BDP1: variants seen among roughly 807,000 people sequenced by gnomAD.
The protein encoded by BDP1 is transcription factor TFIIIB component B'' homolog.
Under a neutral mutation model 266.6 loss-of-function variants are expected in BDP1, and 169 were observed. That is an observed-to-expected ratio of 0.63 (90% confidence interval 0.56 to 0.72). The LOEUF is 0.72. Among genes scored for constraint, BDP1 ranks in the 30% least tolerant of loss-of-function variants. BDP1 has a pLI of 0.00. For missense variants in BDP1, 3,015 were observed against 3,053.8 expected (o/e 0.99, Z 0.30); for synonymous variants, 1,090 against 1,022.4 (o/e 1.07, Z -1.26).
At chr5:71,459,790 C>A (rs1010414182) in intron 2 of BDP1, among the ~76,000 whole-genome samples, 6 of 152,078 alleles carry the variant, frequency 3.9e-5, no homozygotes, top group Non-Finnish European at 8.8e-5. Context: ...GTAAAATAGA[C>A]CAATAATAGT....
At chr5:71,480,733 T>C (rs1247823478) in intron 7 of BDP1, among the ~76,000 whole-genome samples, 1 of 151,688 alleles carries the variant, frequency 6.6e-6, no homozygotes, top group Non-Finnish European at 1.5e-5. Context: ...CTGGCTAATT[T>C]TTGTATTTTT....
At chr5:71,502,890 CATTT>C (rs1269938246) in intron 15 of BDP1, 99 bp downstream of exon 15, 134 of 848,994 alleles carry the variant, frequency 1.6e-4, no homozygotes, top group South Asian at 3.6e-4. Flanking sequence ...TACATACATA[CATTT>C]ATTTATTTAT....
intron 3 of BDP1, 72 bp from the exon 4 acceptor site, chr5:71,463,986 C>A: frequency 1.1e-6 from 1 of 881,622 alleles, no homozygotes; most frequent in Non-Finnish European, 1.7e-6. Flanking sequence ...TAATTTTCTT[C>A]TTGCCTACAG....
intron 25 of BDP1, among the ~76,000 whole-genome samples, chr5:71,527,424 C>T (rs1207635213): frequency 6.6e-6 from 1 of 152,178 alleles, no homozygotes; most frequent in African/African-American, 2.4e-5. Context: ...TAAACAGTAA[C>T]TCTCCATTCC....
chr5:71,473,420 A>G (rs1205605630), intron 7 of BDP1, among the ~76,000 whole-genome samples: 5 of 150,616 alleles, frequency 3.3e-5, no homozygotes, highest in Admixed American at 2.6e-4. Flanking sequence ...GACTACAGGC[A>G]CCCGCCACCA....
the BDP1 span, among the ~76,000 whole-genome samples, chr5:71,573,105 T>C: frequency 3.9e-5 from 6 of 152,000 alleles, no homozygotes; most frequent in Non-Finnish European, 8.8e-5. Context: ...GGCATGTGCC[T>C]GTAGTCCCAG....
chr5:71,515,469 G>A (rs1165077383), intron 20 of BDP1, among the ~76,000 whole-genome samples: 1 of 152,090 alleles, frequency 6.6e-6, no homozygotes, highest in Admixed American at 6.6e-5. Flanking sequence ...GAGCATTTTG[G>A]ATTTTCAAAG....
rs532809518 is a variant in BDP1 at position 71,567,652 on chromosome 5, C to A, written c.*2767C>A. ...TGAGGCATGACAAAAATATTAATAT[C>A]CACTGTTTACCATCATGTTATTTGA... is the stretch of plus-strand genomic sequence containing the variant. On this transcript the variant is annotated 3_prime_UTR_variant, in exon 39 of 39. Coordinates refer to ENST00000358731, the MANE Select transcript of BDP1 (RefSeq NM_018429.3). 1.3e-5 allele frequency: 2 copies of A among 152,568 alleles called. No individual in the cohort carries two copies. Among genetic ancestry groups the A allele is most frequent in the East Asian group, 3.9e-4 (2 of 5,186 alleles). 9.5% of individuals were successfully genotyped at this position (152,568 alleles called of 1,614,324 possible).
At chr5:71,473,512 A>G (rs1401585015) in intron 7 of BDP1, among the ~76,000 whole-genome samples, 2 of 151,770 alleles carry the variant, frequency 1.3e-5, no homozygotes, top group African/African-American at 4.8e-5. Flanking sequence ...TGACCTTGTG[A>G]TCCGCCTGCC....
chr5:71,524,063 C>T lies in BDP1; in HGVS notation c.5512C>T (p.Pro1838Ser). Residue 1838 changes from proline (P) to serine (S), a missense_variant, in exon 25 of 39, where the codon CCA becomes TCA. Around this residue, in one of 3 missense-constraint regions of BDP1, gnomAD observed 2,383 missense variants for 2,404.9 expected, o/e 0.99. Transcript: ENST00000358731. ...AAGGAGAAGTCATAAAAAGTTCAAACCAAATGTCACCAGAGGTCGTGGATC... is the reference window on the plus strand; with the variant it reads ...AAGGAGAAGTCATAAAAAGTTCAAATCAAATGTCACCAGAGGTCGTGGATC... Reference protein sequence around the residue: ...GERRSHKKFKPNVTRGRGSKR... With the variant: ...GERRSHKKFKSNVTRGRGSKR... 6.2e-6 allele frequency: 10 copies of T among 1,614,146 alleles called. No individual in the cohort carries two copies. The highest frequency in any genetic ancestry group is 8.5e-6 in the Non-Finnish European group (10 of 1,180,038).
In BDP1 at chr5:71,544,398, A is replaced by C. The variant is rs1742103152; in HGVS notation, c.6454A>C (p.Lys2152Gln). ...NASKATELEN[K>Q]NLGPVTTAEN... ...TTCCAAAGCAACAGAATTGGAAAAT[A>C]AAAACCTCGGACCAGTTACAACAGC... is the stretch of plus-strand genomic sequence containing the variant. Residue 2152 changes from lysine to glutamine, a missense_variant, in exon 31 of 39, where the codon AAA (lysine) becomes CAA (glutamine). Coordinates refer to ENST00000358731, the MANE Select transcript of BDP1 (RefSeq NM_018429.3). The C allele has an allele frequency of 6.2e-7, 1 of 1,613,136 alleles. No homozygotes were observed. Among genetic ancestry groups the C allele is most frequent in the Non-Finnish European group, 8.5e-7 (1 of 1,179,742 alleles).
At chr5:71,573,239 AAAG>A in the BDP1 span, among the ~76,000 whole-genome samples, 1,330 of 51,612 alleles carry the variant, frequency 0.026, 19 homozygotes, top group Middle Eastern at 0.086. Flanking sequence ...AAAAAAAAAA[AAAG>A]AAAGAAAAGA....
rs1764825721 is a variant in BDP1 at position 71,510,184 on chromosome 5, C to T, written c.3092C>T (p.Ala1031Val). 6.2e-7 allele frequency: 1 copy of T among 1,613,368 alleles called. No homozygotes were observed. The highest frequency in any genetic ancestry group is 1.3e-5 in the African/African-American group (1 of 74,700). Residue 1031 changes from alanine (A) to valine (V), a missense_variant, in exon 17 of 39, where the codon GCT becomes GTT. Coordinates refer to ENST00000358731, the MANE Select transcript of BDP1 (RefSeq NM_018429.3). ...PREKTPEVIDATEEIDLEETE... is the reference protein window; with the variant it reads ...PREKTPEVIDVTEEIDLEETE... ...GAGAAGACACCAGAGGTGATTGATG[C>T]TACTGAGGAAATAGATTTGGAAGAA... is the stretch of plus-strand genomic sequence containing the variant.
At chr5:71,463,466 C>T (rs1411007416) in intron 3 of BDP1, among the ~76,000 whole-genome samples, 1 of 151,430 alleles carries the variant, frequency 6.6e-6, no homozygotes, top group East Asian at 1.9e-4. Flanking sequence ...AGACAAGTCA[C>T]CTAAGTAAGC....
Position 71,548,732 on chromosome 5 carries a change from T to C in BDP1, c.6795T>C (p.Pro2265=). ...PEVQQENIIN[P]QDLTVNLVAN... ...TCCAACAAGAGAATATAATCAATCC[T>C]CAAGACCTAACAGGTATGATAATAT... Residue 2265 remains proline, a synonymous_variant, in exon 33 of 39, where the codon CCT becomes CCC. Coordinates refer to ENST00000358731, the MANE Select transcript of BDP1 (RefSeq NM_018429.3). 1 of 1,601,304 alleles carries C rather than the reference T, an allele frequency of 6.2e-7. No homozygotes were observed.
At chr5:71,463,477 T>G (rs1438481516) in intron 3 of BDP1, among the ~76,000 whole-genome samples, 3 of 152,176 alleles carry the variant, frequency 2.0e-5, no homozygotes, top group Non-Finnish European at 4.4e-5. Context: ...CTAAGTAAGC[T>G]GCTTCATGCC....
chr5:71,474,348 A>C (rs183779886), intron 7 of BDP1, among the ~76,000 whole-genome samples: 25 of 149,502 alleles, frequency 1.7e-4, no homozygotes, highest in African/African-American at 6.2e-4. Flanking sequence ...TTTTTGAGAC[A>C]GTCTTGCTCT....
intron 26 of BDP1, among the ~76,000 whole-genome samples, chr5:71,535,412 T>C (rs1034768422): frequency 5.3e-5 from 8 of 151,640 alleles, no homozygotes; most frequent in African/African-American, 1.9e-4. Context: ...ACCATGTTGG[T>C]CAGGCTGGTC....
At chr5:71,490,591 G>C (rs1006866755) in intron 10 of BDP1, among the ~76,000 whole-genome samples, 1 of 152,130 alleles carries the variant, frequency 6.6e-6, no homozygotes, top group South Asian at 2.1e-4. Flanking sequence ...ATGAGATAAT[G>C]CATCTGATGG....
Sources: gnomAD v4.1 joint callset for allele counts (sites outside exome capture counted in the v4.1 genomes callset) on GRCh38, gnomAD v4.1.1 for gene constraint, gnomAD v4.1.1 regional missense constraint, MANE v1.5 for transcripts, NCBI Gene and HGNC (gene_info 2026-07-23, HGNC 2026-07-21) for gene names.